The following FLNB variants were observed in gnomAD, a reference collection of about 807,000 sequenced individuals.
The protein encoded by FLNB is filamin B.
Under a neutral mutation model 250.6 loss-of-function variants are expected in FLNB, and 111 were observed. The ratio of observed to expected loss-of-function variants is 0.44; its 90% confidence interval spans 0.38 to 0.52. The LOEUF (loss-of-function observed/expected upper bound fraction) is 0.52, where lower values mean the gene tolerates loss of function less well. FLNB is among the 20% of genes least tolerant of loss of function. The pLI, the probability that FLNB is intolerant of heterozygous loss-of-function variation, is 0.00. For synonymous variants in FLNB, 1,302 were observed against 1,372.1 expected (o/e 0.95, Z 1.13); for missense variants, 2,869 against 3,447.8 (o/e 0.83, Z 4.20).
rs200231688 is a variant in FLNB, at chr3:58,168,663, C to T, written c.7417+5C>T. 211 of 1,604,174 alleles carry T rather than the reference C, an allele frequency of 1.3e-4. No homozygotes were observed. In the East Asian group the frequency reaches 3.3e-3, roughly 25 times the overall value. On this transcript the variant is annotated splice_donor_5th_base_variant and intron_variant, in intron 44 of 45. Coordinates refer to ENST00000295956, the MANE Select transcript of FLNB (RefSeq NM_001457.4). ...CCTTCAAGGCCAAGGTGACAGGTAA[C>T]GAACAACCACCTTCGGAGTTACTCT...
rs9813235 is a variant in FLNB at position 58,123,129 on chromosome 3, G to A, written c.3163G>A (p.Val1055Met). The change falls in exon 21 of 46, where the codon GTG becomes ATG. Residue 1055 changes from valine (V) to methionine (M), a missense_variant. By Grantham distance (21) the Val-to-Met change is conservative. Coordinates refer to ENST00000295956, the MANE Select transcript of FLNB (RefSeq NM_001457.4). Reference protein sequence around the residue: ...AHGPGLEGGLVGKPAEFTIDT... With the variant: ...AHGPGLEGGLMGKPAEFTIDT... ...CGGTCCCGGCCTCGAAGGTGGTCTC[G>A]TGGGCAAGCCTGCCGAGTTCACCAT... is the stretch of plus-strand genomic sequence containing the variant. 605 of 1,614,216 alleles carry A rather than the reference G, an allele frequency of 3.7e-4. 5 individuals are homozygous for A. The African/African-American group carries it at 7.1e-3, about 19-fold the overall frequency.
At chr3:58,120,759 A>C (rs1170789088) in intron 19 of FLNB, among the ~76,000 whole-genome samples, 1 of 152,236 alleles carries the variant, frequency 6.6e-6, no homozygotes, top group Non-Finnish European at 1.5e-5. Flanking sequence ...TAAGTAAATA[A>C]GAGACGACAG....
chr3:58,033,527 G>A (rs1313806791), intron 1 of FLNB, among the ~76,000 whole-genome samples: 1 of 152,088 alleles, frequency 6.6e-6, no homozygotes, highest in Non-Finnish European at 1.5e-5. Flanking sequence ...GAGTAGCAGG[G>A]ATTACAGGCA....
At chr3:58,140,240 G>T (rs1441640100) in intron 29 of FLNB, among the ~76,000 whole-genome samples, 4 of 152,162 alleles carry the variant, frequency 2.6e-5, no homozygotes, top group African/African-American at 9.7e-5. Flanking sequence ...AGACCCACAG[G>T]GTGGTTTCTT....
intron 41 of FLNB, among the ~76,000 whole-genome samples, chr3:58,157,968 C>T (rs1379191976): frequency 3.3e-5 from 5 of 152,158 alleles, no homozygotes; most frequent in Admixed American, 6.5e-5. Context: ...CATTTGATGC[C>T]GAGTGATATG....
In FLNB at chr3:58,106,725, A is replaced by G; in HGVS notation, c.1793A>G (p.Asp598Gly). ...TCTCAGGCAAAGATTGAGTACAACGACCAGAATGATGGATCGTGTGATGTC... is the reference window on the plus strand; with the variant it reads ...TCTCAGGCAAAGATTGAGTACAACGGCCAGAATGATGGATCGTGTGATGTC... Reference protein sequence around the residue: ...GPSQAKIEYNDQNDGSCDVKY... With the variant: ...GPSQAKIEYNGQNDGSCDVKY... The change falls in exon 12 of 46, where the codon GAC (aspartate) becomes GGC (glycine). Residue 598 changes from aspartate (D) to glycine (G), a missense_variant. Physicochemically the swap from Asp to Gly is moderately conservative, Grantham distance 94 (BLOSUM62 -1). This residue lies in a region of FLNB where 1,348 missense variants were observed against 1,466.7 expected (regional missense o/e 0.92). Coordinates refer to ENST00000295956, the MANE Select transcript of FLNB (RefSeq NM_001457.4). The G allele has an allele frequency of 6.2e-7, 1 of 1,614,184 alleles. No homozygotes were observed. Among genetic ancestry groups the G allele is most frequent in the South Asian group, 1.1e-5 (1 of 91,076 alleles).
In FLNB at chr3:58,134,361, A is replaced by G. The variant is rs564459154; in HGVS notation, c.4515-255A>G. Among the ~76,000 whole-genome samples, 3 of 152,278 alleles carry G rather than the reference A, an allele frequency of 2.0e-5. No individual in the cohort carries two copies. The South Asian group carries it at 6.2e-4, about 32-fold the overall frequency. On this transcript the variant is annotated intron_variant, in intron 26 of 45. Coordinates refer to ENST00000295956, the MANE Select transcript of FLNB (RefSeq NM_001457.4). ...CACCAGGCCCCCTGGTCTTCTACGA[A>G]ACCAGTCCCTAGTGCCAAAAAGGTT...
At chr3:58,094,738 G>A (rs1201924357) in intron 4 of FLNB, 98 bp from the exon 5 acceptor site, 1 of 992,012 alleles carries the variant, frequency 1.0e-6, no homozygotes, top group African/African-American at 1.6e-5. Flanking sequence ...CTGCAGGGCT[G>A]GGTCCCATCT....
At chr3:58,047,236 T>C (rs1262176693) in intron 1 of FLNB, among the ~76,000 whole-genome samples, 1 of 152,246 alleles carries the variant, frequency 6.6e-6, no homozygotes, top group African/African-American at 2.4e-5. Context: ...TTAATTAATA[T>C]AGATGCTCAG....
chr3:58,098,796 C>T lies in FLNB; in HGVS notation c.1233C>T (p.Asn411=). The change falls in exon 8 of 46, where the codon AAC becomes AAT. Residue 411 remains asparagine (N), a synonymous_variant. Transcript: ENST00000295956. The part of the protein sequence containing the change: ...TVELLVEDKG[N]QVYRCVYKPM... ...AGTTGCTCGTGGAAGACAAAGGAAA[C>T]CAGGTGTATCGATGTGTGTACAAAC... 1 of 1,614,132 alleles carries T rather than the reference C, an allele frequency of 6.2e-7. No homozygotes were observed. Among genetic ancestry groups the T allele is most frequent in the Non-Finnish European group, 8.5e-7 (1 of 1,180,008 alleles).
At chr3:58,109,378 G>C in intron 14 of FLNB, 56 bp downstream of exon 14, 1 of 1,591,982 alleles carries the variant, frequency 6.3e-7, no homozygotes. Flanking sequence ...TCATACACCA[G>C]GTCTGGGATC....
intron 42 of FLNB, among the ~76,000 whole-genome samples, chr3:58,161,033 T>C (rs2097360736): frequency 6.6e-6 from 1 of 152,076 alleles, no homozygotes; most frequent in Non-Finnish European, 1.5e-5. Flanking sequence ...TAGATCTATG[T>C]TTCCTAGTAG....
chr3:58,034,287 C>G (rs2097134985), intron 1 of FLNB, among the ~76,000 whole-genome samples: 1 of 152,178 alleles, frequency 6.6e-6, no homozygotes, highest in Non-Finnish European at 1.5e-5. Flanking sequence ...GTTCAAGAAA[C>G]TGCCAAACTG....
chr3:58,009,553 T>C (rs1350463760), intron 1 of FLNB, among the ~76,000 whole-genome samples: 2 of 152,130 alleles, frequency 1.3e-5, no homozygotes, highest in African/African-American at 2.4e-5. Context: ...GTAACAGTAA[T>C]TGCTGTCTTG....
At chr3:58,060,534 G>A (rs1453003893) in intron 1 of FLNB, among the ~76,000 whole-genome samples, 1 of 151,696 alleles carries the variant, frequency 6.6e-6, no homozygotes, top group Non-Finnish European at 1.5e-5. Flanking sequence ...TGTGCTTTTA[G>A]TAGAGATGGG....
At chr3:58,031,618 A>G (rs2097131238) in intron 1 of FLNB, among the ~76,000 whole-genome samples, 2 of 124,946 alleles carry the variant, frequency 1.6e-5, no homozygotes, top group African/African-American at 3.2e-5. Context: ...GTGGCCTGAT[A>G]ATGGCTCACT....
intron 42 of FLNB, 157 bp from the exon 43 acceptor site, chr3:58,162,997 G>A (rs189564474): frequency 1.4e-6 from 1 of 735,268 alleles, no homozygotes; most frequent in East Asian, 2.7e-5. Flanking sequence ...CAGGGGGTCT[G>A]TCTGGTTCTG....
rs12495232 is a variant in FLNB at position 58,126,524 on chromosome 3, A to G, written c.4062-78A>G. The G allele has an allele frequency of 0.31, 437,634 of 1,408,340 alleles. 84,810 individuals are homozygous for G. Among genetic ancestry groups the G allele is most frequent in the East Asian group, 0.93 (40,512 of 43,680 alleles). The allele number at this position is 1,408,340 out of a possible 1,614,324, so 87.2% of individuals were successfully genotyped here. On this transcript the variant is annotated intron_variant, in intron 23 of 45. Coordinates refer to ENST00000295956, the MANE Select transcript of FLNB (RefSeq NM_001457.4). ...CTACGTGGAATAGTTTATAAAGGGA[A>G]TTTGCATGAATTTTGGCAATAAGCA...
chr3:58,090,585 A>C (rs1183091693), intron 4 of FLNB, among the ~76,000 whole-genome samples: 1 of 152,214 alleles, frequency 6.6e-6, no homozygotes, highest in Non-Finnish European at 1.5e-5. Flanking sequence ...GTCAGTAGGC[A>C]ACAGGAATTT....
Sources: gnomAD v4.1 joint callset for allele counts (sites outside exome capture counted in the v4.1 genomes callset) on GRCh38, gnomAD v4.1.1 for gene constraint, gnomAD v4.1.1 regional missense constraint, MANE v1.5 for transcripts, NCBI Gene and HGNC (gene_info 2026-07-23, HGNC 2026-07-21) for gene names.